MAN1C1: variants seen among roughly 807,000 people sequenced by gnomAD.
MAN1C1 encodes mannosidase alpha class 1C member 1.
MAN1C1 carries 49 observed loss-of-function variants against 71.5 expected under a neutral mutation model. That is an observed-to-expected ratio of 0.69 (90% CI 0.54 to 0.87). The LOEUF (loss-of-function observed/expected upper bound fraction) is 0.87. MAN1C1 is among the 40% of genes least tolerant of loss of function. The pLI, the probability that MAN1C1 is intolerant of heterozygous loss-of-function variation, is 0.00. For synonymous variants in MAN1C1, 352 were observed against 343.7 expected (o/e 1.02, Z -0.27); for missense variants, 743 against 835.0 (o/e 0.89, Z 1.36).
intron 1 of MAN1C1, among the ~76,000 whole-genome samples, chr1:25,629,423 C>T (rs1428954763): frequency 6.6e-6 from 1 of 152,048 alleles, no homozygotes; most frequent in Non-Finnish European, 1.5e-5. Context: ...CTATTCATGT[C>T]ATTTGCCTAC....
chr1:25,618,610 ACT>A (rs936234630), intron 1 of MAN1C1, among the ~76,000 whole-genome samples: 2 of 150,664 alleles, frequency 1.3e-5, no homozygotes, highest in African/African-American at 2.4e-5. Flanking sequence ...TCACTCCCAG[ACT>A]CTGGTATGTC....
intron 1 of MAN1C1, among the ~76,000 whole-genome samples, chr1:25,664,829 C>T (rs2045898622): frequency 6.6e-6 from 1 of 152,238 alleles, no homozygotes. Context: ...GCAATTATCT[C>T]ACGATTGGAC....
At chr1:25,627,251 T>TTTCTC (rs140616480) in intron 1 of MAN1C1, among the ~76,000 whole-genome samples, 12,545 of 151,572 alleles carry the variant, frequency 0.083, 956 homozygotes, top group East Asian at 0.2. Context: ...ATTCCATTCT[T>TTTCTC]TTCTCTTCTC....
At position 25,735,554 on chromosome 1, in the gene MAN1C1, A is replaced by AT. The variant is rs1256745881; in HGVS notation, c.638-11113dup. ...TGTATATGTGTATGTATATATGTAT[A>AT]TATATGACATAGGACTGTAAGAACA... On this transcript the variant is annotated intron_variant, in intron 2 of 11. Coordinates refer to ENST00000374332, the MANE Select transcript of MAN1C1 (RefSeq NM_020379.4). This position sits in a 1 kb window ranked among gnomAD's most constrained non-coding sequence, Gnocchi z 4.6. Among the ~76,000 whole-genome samples, 1 of 152,196 alleles carries AT rather than the reference A, an allele frequency of 6.6e-6. No individual in the cohort carries two copies. Among genetic ancestry groups the AT allele is most frequent in the Non-Finnish European group, 1.5e-5 (1 of 68,036 alleles).
At chr1:25,719,400 TTTATTTA>T (rs2046730620) in intron 2 of MAN1C1, among the ~76,000 whole-genome samples, 4 of 47,014 alleles carry the variant, frequency 8.5e-5, no homozygotes, top group Non-Finnish European at 1.4e-4. Flanking sequence ...TTATCTTTTA[TTTATTTA>T]TTTATTTATT....
Position 25,696,866 on chromosome 1 carries a change from CA to C in MAN1C1, c.637+10333del, listed in dbSNP as rs1397210575. ...CTTGCTATGTTACCCAGGCTGGTCT[CA>C]AACTCCTGGCCTCAAGGGGTCCTCC... On this transcript the variant is annotated intron_variant, in intron 2 of 11. Coordinates refer to ENST00000374332, the MANE Select transcript of MAN1C1 (RefSeq NM_020379.4). Among the ~76,000 whole-genome samples, 8 of 152,168 alleles carry C rather than the reference CA, an allele frequency of 5.3e-5. No homozygotes were observed. In the South Asian group the frequency reaches 1.0e-3, roughly 20 times the overall value.
Position 25,778,400 on chromosome 1 carries a change from G to A in MAN1C1, c.1477+76G>A. On this transcript the variant is annotated intron_variant, in intron 9 of 11. Transcript: ENST00000374332. The surrounding 1 kb of genome is among the most constrained non-coding windows in gnomAD (Gnocchi z 5.5). Reference sequence around the variant, plus strand: ...GGAAGAACTGGAAAGACCGGCAGCAGTGAGCGAAGGGAGCACATGGCCTTA... The same window carrying A: ...GGAAGAACTGGAAAGACCGGCAGCAATGAGCGAAGGGAGCACATGGCCTTA... 7.0e-7 allele frequency: 1 copy of A among 1,433,734 alleles called. No individual in the cohort carries two copies. Among genetic ancestry groups the A allele is most frequent in the East Asian group, 2.4e-5 (1 of 42,010 alleles). 88.8% of individuals were successfully genotyped at this position (1,433,734 alleles called of 1,614,324 possible).
chr1:25,726,415 CT>C (rs770317577), intron 2 of MAN1C1, among the ~76,000 whole-genome samples: 6 of 152,246 alleles, frequency 3.9e-5, no homozygotes, highest in Non-Finnish European at 5.9e-5. Flanking sequence ...CTGCCTCCCT[CT>C]GAGACACACA....
chr1:25,668,749 G>A (rs1268888440), intron 1 of MAN1C1, among the ~76,000 whole-genome samples: 2 of 151,764 alleles, frequency 1.3e-5, no homozygotes, highest in Non-Finnish European at 2.9e-5. Flanking sequence ...TAGTAGAGAC[G>A]GGGTTTCACC....
intron 1 of MAN1C1, among the ~76,000 whole-genome samples, chr1:25,651,720 A>G (rs2124068136): frequency 6.6e-6 from 1 of 152,302 alleles, no homozygotes; most frequent in East Asian, 1.9e-4. Context: ...AGGTGTTATA[A>G]TCCCCACCCT....
chr1:25,776,329 T>TC lies in MAN1C1; in HGVS notation c.1258-1772dup, dbSNP rs532641115. Among the ~76,000 whole-genome samples the TC allele has an allele frequency of 8.4e-4, 127 of 151,996 alleles. 1 individual carries two copies. The highest frequency in any genetic ancestry group is 1.4e-3 in the Non-Finnish European group (97 of 67,986). On this transcript the variant is annotated intron_variant, in intron 8 of 11. Transcript: ENST00000374332. This position sits in a 1 kb window ranked among gnomAD's most constrained non-coding sequence, Gnocchi z 4.3. ...ATTTTGGGAGGCCGAGGTGGGTGGATCCCCTGAGGTCAGGAGTTCAAGACC... is the reference window on the plus strand; with the variant it reads ...ATTTTGGGAGGCCGAGGTGGGTGGATCCCCCTGAGGTCAGGAGTTCAAGACC...
At chr1:25,624,474 A>G (rs1303035406) in intron 1 of MAN1C1, among the ~76,000 whole-genome samples, 1 of 152,122 alleles carries the variant, frequency 6.6e-6, no homozygotes, top group Non-Finnish European at 1.5e-5. Flanking sequence ...TGGTCAAAAC[A>G]GTTCTTACTC....
At chr1:25,712,041 G>A (rs2046619834) in intron 2 of MAN1C1, among the ~76,000 whole-genome samples, 1 of 152,172 alleles carries the variant, frequency 6.6e-6, no homozygotes, top group African/African-American at 2.4e-5. Context: ...GGTGAGTTTA[G>A]GAAAGTCCAG....
intron 7 of MAN1C1, among the ~76,000 whole-genome samples, chr1:25,770,877 G>A (rs976732019): frequency 2.0e-5 from 3 of 150,784 alleles, no homozygotes; most frequent in Non-Finnish European, 4.4e-5. Context: ...TTTGTTCTTT[G>A]TTAAATCTAT....
intron 1 of MAN1C1, among the ~76,000 whole-genome samples, chr1:25,632,993 G>A (rs1211128283): frequency 2.0e-5 from 3 of 149,946 alleles, no homozygotes; most frequent in African/African-American, 7.4e-5. Context: ...TCAGCCTCCC[G>A]AGTACCTGGG....
At chr1:25,629,675 C>T (rs143371311) in intron 1 of MAN1C1, among the ~76,000 whole-genome samples, 2,916 of 152,108 alleles carry the variant, frequency 0.019, 96 homozygotes, top group African/African-American at 0.066. Context: ...CCCACCTCGG[C>T]CTCCCAAAGT....
intron 1 of MAN1C1, among the ~76,000 whole-genome samples, chr1:25,643,819 A>G (rs2045572786): frequency 6.6e-6 from 1 of 151,716 alleles, no homozygotes; most frequent in Non-Finnish European, 1.5e-5. Flanking sequence ...ACCTCCTTTT[A>G]TCTGCTGTTT....
rs2047127406 is a variant in MAN1C1 at position 25,746,296 on chromosome 1, C to T, written c.638-372C>T. ...CTCCAGACTGGGTGACAGAGTAAGA[C>T]CCTGTCTCAAAAACAAACAAACAAA... On this transcript the variant is annotated intron_variant, in intron 2 of 11. Transcript: ENST00000374332. The surrounding 1 kb of genome is among the most constrained non-coding windows in gnomAD (Gnocchi z 4.0). Among the ~76,000 whole-genome samples, 1 of 152,034 alleles carries T rather than the reference C, an allele frequency of 6.6e-6. No homozygotes were observed. The highest frequency in any genetic ancestry group is 2.4e-5 in the African/African-American group (1 of 41,308).
At position 25,781,097 on chromosome 1, in the gene MAN1C1, C is replaced by T. The variant is rs1183685092; in HGVS notation, c.1635C>T (p.Gly545=). ...QTHNPIYREW[G]WEVVLALEKY... The stretch of plus-strand genomic sequence containing the variant: ...ACAACCCCATCTACAGGGAGTGGGG[C>T]TGGGAGGTGGTGCTGGTGAGTGGGC... Residue 545 remains glycine (G), a synonymous_variant, in exon 10 of 12, where the codon GGC becomes GGT. Coordinates refer to ENST00000374332, the MANE Select transcript of MAN1C1 (RefSeq NM_020379.4). 1 of 1,613,918 alleles carries T rather than the reference C, an allele frequency of 6.2e-7. No homozygotes were observed. Among genetic ancestry groups the T allele is most frequent in the South Asian group, 1.1e-5 (1 of 91,070 alleles).
Sources: gnomAD v4.1 joint callset for allele counts (sites outside exome capture counted in the v4.1 genomes callset) on GRCh38, gnomAD v4.1.1 for gene constraint, Gnocchi (gnomAD v3.1) non-coding constraint, MANE v1.5 for transcripts, NCBI Gene and HGNC (gene_info 2026-07-23, HGNC 2026-07-21) for gene names.